The following WWTR1 variants were observed in gnomAD, a reference collection of about 807,000 sequenced individuals.
WWTR1 encodes the protein WW domain containing transcription regulator 1, also known as WW domain-containing transcription regulator protein 1.
Under a neutral mutation model 40.1 loss-of-function variants are expected in WWTR1, and 13 were observed. The observed-to-expected ratio is 0.32, with a 90% CI of 0.21 to 0.52. The LOEUF (loss-of-function observed/expected upper bound fraction) is 0.52, where lower values mean the gene tolerates loss of function less well. Ranked by LOEUF, WWTR1 falls within the 20% of genes least tolerant of loss-of-function variation. The pLI is 0.97. For synonymous variants in WWTR1, 230 were observed against 210.1 expected, an observed-to-expected ratio of 1.09 and a Z score of -0.82; for missense variants, 436 against 523.1, an observed-to-expected ratio of 0.83 and a Z score of 1.63.
At chr3:149,532,917 A>C (rs993764050) in intron 4 of WWTR1, among the ~76,000 whole-genome samples, 1 of 152,230 alleles carries the variant, frequency 6.6e-6, no homozygotes, top group Admixed American at 6.5e-5. Context: ...ATGGAAACAG[A>C]GGGGTGACAG....
At chr3:149,636,732 T>C (rs536570889) in intron 2 of WWTR1, among the ~76,000 whole-genome samples, 1 of 152,156 alleles carries the variant, frequency 6.6e-6, no homozygotes, top group Non-Finnish European at 1.5e-5. Context: ...AAATCATTTA[T>C]ATTTCTTTCA....
At chr3:149,552,836 C>T (rs1736667871) in intron 3 of WWTR1, among the ~76,000 whole-genome samples, 1 of 152,170 alleles carries the variant, frequency 6.6e-6, no homozygotes, top group Non-Finnish European at 1.5e-5. Context: ...CAGAGGCTAT[C>T]CTTATGTCCC....
chr3:149,694,148 C>T (rs1387161783), intron 1 of WWTR1, among the ~76,000 whole-genome samples: 1 of 152,240 alleles, frequency 6.6e-6, no homozygotes, highest in Non-Finnish European at 1.5e-5. Flanking sequence ...AATCCCAGCA[C>T]TTTGGGAGGC....
At position 149,572,865 on chromosome 3, in the gene WWTR1, G is replaced by A. The variant is rs903662421; in HGVS notation, c.567C>T (p.Leu189=). ...ATTTTAAAAAAGCTTGAGGCTTACC[G>A]AGATTTGGCTGGGATACTGCCATGG... The part of the protein sequence containing the change: ...QRSMAVSQPN[L]VMNHQHQQQM... Residue 189 remains leucine (L), a splice_region_variant and synonymous_variant, in exon 3 of 7, where the codon CTC becomes CTT. Transcript: ENST00000360632. 1.2e-5 allele frequency: 20 copies of A among 1,613,520 alleles called. No homozygotes were observed. Among genetic ancestry groups the A allele is most frequent in the Admixed American group, 3.3e-5 (2 of 59,930 alleles).
chr3:149,677,696 G>A (rs1030369026), intron 1 of WWTR1, among the ~76,000 whole-genome samples: 6 of 151,716 alleles, frequency 4.0e-5, no homozygotes, highest in African/African-American at 1.2e-4. Flanking sequence ...CAAAATCAAC[G>A]CGGTGTCGTG....
rs34267226 is a variant in WWTR1 at position 149,709,274 on chromosome 3, CTT to C, written n.585-5948_585-5947del. ...ACAGGTGTGGGCCATCATGTCTGGCCTTTTTTTTTTTTTTAAACAATAACCAT... is the reference window on the plus strand; with the variant it reads ...ACAGGTGTGGGCCATCATGTCTGGCCTTTTTTTTTTTTAAACAATAACCAT... On this transcript the variant is annotated intron_variant and non_coding_transcript_variant, in intron 5 of 6. Transcript: ENST00000474080. Among the ~76,000 whole-genome samples the C allele has an allele frequency of 2.7e-3, 396 of 145,706 alleles. 1 individual carries two copies. Among genetic ancestry groups the C allele is most frequent in the Middle Eastern group, 7.1e-3 (2 of 280 alleles).
At chr3:149,642,132 C>T (rs1209149242) in intron 2 of WWTR1, among the ~76,000 whole-genome samples, 2 of 152,122 alleles carry the variant, frequency 1.3e-5, no homozygotes, top group Admixed American at 6.6e-5. Flanking sequence ...TTAAAATGTA[C>T]GAATGTGGCC....
In WWTR1 at chr3:149,657,814, C is replaced by T; in HGVS notation, c.-53G>A. On this transcript the variant is annotated 5_prime_UTR_variant, in exon 1 of 7. Coordinates refer to ENST00000360632, the MANE Select transcript of WWTR1 (RefSeq NM_015472.6). ...TGAGCGCGCGGCGGCCGCCGTCCCG[C>T]CCGAACTTGCCGTCGGGCCTGGGTC... 1 of 157,020 alleles carries T rather than the reference C, an allele frequency of 6.4e-6. No individual in the cohort carries two copies. Among genetic ancestry groups the T allele is most frequent in the Non-Finnish European group, 1.4e-5 (1 of 71,616 alleles). 9.7% of individuals were successfully genotyped at this position (157,020 alleles called of 1,614,324 possible). A position where few individuals can be genotyped will look rare whatever the true frequency, so the allele number is the denominator to read the frequency against.
chr3:149,622,322 A>G (rs1455748859), intron 2 of WWTR1, among the ~76,000 whole-genome samples: 1 of 152,130 alleles, frequency 6.6e-6, no homozygotes, highest in Non-Finnish European at 1.5e-5. Flanking sequence ...GAAAATATGA[A>G]TGACCAATTG....
chr3:149,719,326 A>G (rs1715694071), intron 4 of WWTR1, among the ~76,000 whole-genome samples: 1 of 151,870 alleles, frequency 6.6e-6, no homozygotes, highest in Non-Finnish European at 1.5e-5. Flanking sequence ...GTCAGCCACC[A>G]AGCCCAGCTA....
Position 149,602,330 on chromosome 3 carries a change from G to C in WWTR1, c.432-29330C>G, listed in dbSNP as rs544469938. ...ATGTATTTTTGCTAGCAACTATTTT[G>C]GAATGAGCTGATGATTTGGATTAAA... is the stretch of plus-strand genomic sequence containing the variant. On this transcript the variant is annotated intron_variant, in intron 2 of 6. Coordinates refer to ENST00000360632, the MANE Select transcript of WWTR1 (RefSeq NM_015472.6). Among the ~76,000 whole-genome samples the C allele has an allele frequency of 2.6e-5, 4 of 152,248 alleles. No homozygotes were observed. In the East Asian group the frequency reaches 7.7e-4, roughly 29 times the overall value.
At chr3:149,548,213 A>AAG (rs2107949399) in intron 3 of WWTR1, among the ~76,000 whole-genome samples, 1 of 152,302 alleles carries the variant, frequency 6.6e-6, no homozygotes, top group South Asian at 2.1e-4. Context: ...TTTGCTATAT[A>AAG]AGAAGCAAAC....
chr3:149,540,126 A>G (rs1006777548), intron 4 of WWTR1: 12 of 445,170 alleles, frequency 2.7e-5, no homozygotes, highest in African/African-American at 2.5e-4. Context: ...ACACACACAG[A>G]GTCAAGGCTG....
At chr3:149,623,634 C>T (rs1740417253) in intron 2 of WWTR1, among the ~76,000 whole-genome samples, 1 of 152,152 alleles carries the variant, frequency 6.6e-6, no homozygotes, top group Non-Finnish European at 1.5e-5. Context: ...TTCTGACATC[C>T]TTATTTGAAT....
chr3:149,569,086 T>C (rs761222214), intron 3 of WWTR1, among the ~76,000 whole-genome samples: 1 of 152,124 alleles, frequency 6.6e-6, no homozygotes, highest in Non-Finnish European at 1.5e-5. Flanking sequence ...TTATAAAAAA[T>C]AAGGTGTCTA....
At chr3:149,629,419 TGGGGA>T (rs1711500576) in intron 2 of WWTR1, among the ~76,000 whole-genome samples, 1 of 152,224 alleles carries the variant, frequency 6.6e-6, no homozygotes, top group Non-Finnish European at 1.5e-5. Flanking sequence ...TTTCCTACGC[TGGGGA>T]ATCTGCTAAG....
intron 3 of WWTR1, 52 bp from the exon 4 acceptor site, chr3:149,542,589 T>A (rs780713591): frequency 6.6e-7 from 1 of 1,515,730 alleles, no homozygotes; most frequent in South Asian, 1.3e-5. Context: ...CAATACCTTA[T>A]CAAAAATAGA....
At chr3:149,562,804 G>C (rs537884210) in intron 3 of WWTR1, among the ~76,000 whole-genome samples, 1 of 148,790 alleles carries the variant, frequency 6.7e-6, no homozygotes, top group Admixed American at 6.7e-5. Context: ...TTGACCACCA[G>C]CAACTGCAAA....
At chr3:149,679,441 C>G (rs1714382661) in intron 1 of WWTR1, among the ~76,000 whole-genome samples, 1 of 152,186 alleles carries the variant, frequency 6.6e-6, no homozygotes, top group African/African-American at 2.4e-5. Flanking sequence ...ATTCTAGCCT[C>G]TTTTCTCTGT....
Sources: gnomAD v4.1 joint callset for allele counts (sites outside exome capture counted in the v4.1 genomes callset) on GRCh38, gnomAD v4.1.1 for gene constraint, MANE v1.5 for transcripts, NCBI Gene and HGNC (gene_info 2026-07-23, HGNC 2026-07-21) for gene names.